The following PTPRN2 variants were observed in gnomAD, a reference collection of about 807,000 sequenced individuals.
PTPRN2 encodes protein tyrosine phosphatase receptor type N2, also known as receptor-type tyrosine-protein phosphatase N2.
Under a neutral mutation model 118.8 loss-of-function variants are expected in PTPRN2, and 74 were observed. The ratio of observed to expected loss-of-function variants is 0.62; its 90% CI spans 0.52 to 0.76. The LOEUF (loss-of-function observed/expected upper bound fraction) is 0.76, where lower values mean the gene tolerates loss of function less well. Among genes scored for constraint, PTPRN2 ranks in the 30% least tolerant of loss-of-function variants. The pLI, the probability that PTPRN2 is intolerant of heterozygous loss-of-function variation, is 0.00. For synonymous variants in PTPRN2, 641 were observed against 608.0 expected (o/e 1.05, Z -0.80); for missense variants, 1,481 against 1,394.4 (o/e 1.06, Z -0.99).
intron 10 of PTPRN2, among the ~76,000 whole-genome samples, chr7:158,103,956 G>A (rs1462509350): frequency 6.6e-6 from 1 of 151,884 alleles, no homozygotes; most frequent in Non-Finnish European, 1.5e-5. Flanking sequence ...ACTGCCTCCC[G>A]GGTTCAAGCA....
At chr7:157,930,514 G>C (rs1354569552) in intron 11 of PTPRN2, among the ~76,000 whole-genome samples, 2 of 152,202 alleles carry the variant, frequency 1.3e-5, no homozygotes, top group Non-Finnish European at 2.9e-5. Flanking sequence ...TGAAGCTCAG[G>C]GGGTTGTAAG....
chr7:158,294,355 T>C (rs1234984027), intron 3 of PTPRN2, among the ~76,000 whole-genome samples: 6 of 152,226 alleles, frequency 3.9e-5, no homozygotes, highest in African/African-American at 1.4e-4. Flanking sequence ...AGGATTTTTG[T>C]TTTCCCCCAA....
chr7:158,004,226 C>T (rs1370449938), intron 11 of PTPRN2, among the ~76,000 whole-genome samples: 1 of 152,122 alleles, frequency 6.6e-6, no homozygotes, highest in Non-Finnish European at 1.5e-5. Flanking sequence ...GGTCTAGGGG[C>T]CATCCTAGCC....
At chr7:158,370,960 C>T (rs766268468) in intron 2 of PTPRN2, among the ~76,000 whole-genome samples, 9 of 152,016 alleles carry the variant, frequency 5.9e-5, no homozygotes, top group Non-Finnish European at 8.8e-5. Context: ...AAGAATCAAA[C>T]GAACTATCAC....
chr7:158,071,751 G>GTGGAGGTGCTCGTGGTGA (rs1377293713), intron 11 of PTPRN2, among the ~76,000 whole-genome samples: 4 of 134,856 alleles, frequency 3.0e-5, no homozygotes, highest in Admixed American at 7.3e-5. Context: ...GGTGCTCATG[G>GTGGAGGTGCTCGTGGTGA]TGGAGGTGCT....
At chr7:158,238,896 G>A (rs191903774) in intron 3 of PTPRN2, among the ~76,000 whole-genome samples, 2 of 152,332 alleles carry the variant, frequency 1.3e-5, no homozygotes, top group Non-Finnish European at 2.9e-5. Context: ...GAGAGCAGAG[G>A]TGTGAAGGCC....
At chr7:157,806,299 T>A (rs1256112582) in intron 12 of PTPRN2, among the ~76,000 whole-genome samples, 4 of 152,200 alleles carry the variant, frequency 2.6e-5, no homozygotes, top group Non-Finnish European at 4.4e-5. Context: ...TTTGGGGGCA[T>A]TTTGGGTTTT....
At chr7:158,429,552 C>T (rs1816004094) in intron 2 of PTPRN2, among the ~76,000 whole-genome samples, 1 of 152,220 alleles carries the variant, frequency 6.6e-6, no homozygotes, top group Non-Finnish European at 1.5e-5. Flanking sequence ...CTCCCTCATT[C>T]CCGGCCTGGG....
At chr7:158,252,148 G>A (rs11980139) in intron 3 of PTPRN2, among the ~76,000 whole-genome samples, 4,864 of 152,188 alleles carry the variant, frequency 0.032, 271 homozygotes, top group African/African-American at 0.11. Flanking sequence ...TCTGGTTGCC[G>A]CACAGCCTCA....
chr7:157,920,093 G>A (rs916213776), intron 11 of PTPRN2, among the ~76,000 whole-genome samples: 5 of 152,146 alleles, frequency 3.3e-5, no homozygotes, highest in Non-Finnish European at 7.3e-5. Flanking sequence ...CTCGCACAAC[G>A]ACGAAATTGC....
intron 2 of PTPRN2, among the ~76,000 whole-genome samples, chr7:158,318,068 T>A (rs1802492291): frequency 6.6e-6 from 1 of 151,884 alleles, no homozygotes; most frequent in African/African-American, 2.4e-5. Flanking sequence ...CCGCGCCGCC[T>A]CCTGTCCGAG....
At chr7:158,139,147 G>A (rs867831437) in intron 6 of PTPRN2, among the ~76,000 whole-genome samples, 26 of 152,306 alleles carry the variant, frequency 1.7e-4, no homozygotes, top group Middle Eastern at 3.4e-3. Flanking sequence ...AGATGCAGGA[G>A]GAGGCAGAAA....
chr7:158,123,495 AAGG>A (rs1817348242), intron 9 of PTPRN2, among the ~76,000 whole-genome samples: 1 of 152,022 alleles, frequency 6.6e-6, no homozygotes, highest in Admixed American at 6.6e-5. Flanking sequence ...GGTCTGGGAG[AAGG>A]AGGTTTTGAT....
intron 11 of PTPRN2, among the ~76,000 whole-genome samples, chr7:157,936,385 C>A (rs189256631): frequency 1.3e-5 from 2 of 152,276 alleles, no homozygotes; most frequent in African/African-American, 4.8e-5. Context: ...TCATTCCTCC[C>A]CTCTGCCTGT....
At chr7:158,053,091 G>T (rs1409087096) in intron 11 of PTPRN2, among the ~76,000 whole-genome samples, 2 of 152,186 alleles carry the variant, frequency 1.3e-5, no homozygotes, top group Admixed American at 6.5e-5. Context: ...TCTCAGTCCT[G>T]GGAGGGGATT....
At chr7:157,936,845 G>A (rs1446498644) in intron 11 of PTPRN2, among the ~76,000 whole-genome samples, 1 of 152,210 alleles carries the variant, frequency 6.6e-6, no homozygotes, top group Non-Finnish European at 1.5e-5. Context: ...GGGAGTGTAT[G>A]AGGCCATCCT....
intron 11 of PTPRN2, among the ~76,000 whole-genome samples, chr7:158,071,560 AGGTGCTCCTGG>A (rs1811688683): frequency 4.7e-4 from 6 of 12,832 alleles, no homozygotes; most frequent in Non-Finnish European, 8.2e-4. Flanking sequence ...CTGGTGGTGG[AGGTGCTCCTGG>A]TGGAGGTGCT....
At chr7:158,054,329 A>T (rs540135716) in intron 11 of PTPRN2, among the ~76,000 whole-genome samples, 1 of 152,196 alleles carries the variant, frequency 6.6e-6, no homozygotes, top group Non-Finnish European at 1.5e-5. Context: ...TGAAGTCCCA[A>T]AGTGGGACAG....
chr7:158,105,007 TC>T (rs1003422227), intron 10 of PTPRN2, among the ~76,000 whole-genome samples: 1 of 145,034 alleles, frequency 6.9e-6, no homozygotes, highest in Admixed American at 6.9e-5. Flanking sequence ...CCATCCCAGC[TC>T]CATCAAACTC....
Sources: gnomAD v4.1 joint callset for allele counts (sites outside exome capture counted in the v4.1 genomes callset) on GRCh38, gnomAD v4.1.1 for gene constraint, MANE v1.5 for transcripts, NCBI Gene and HGNC (gene_info 2026-07-23, HGNC 2026-07-21) for gene names.